Variants in TFAM observed in about 807,000 individuals in gnomAD.
TFAM encodes the protein transcription factor A, mitochondrial.
Under a neutral mutation model 30.6 loss-of-function variants are expected in TFAM, and 13 were observed. The ratio of observed to expected loss-of-function variants is 0.42; its 90% CI spans 0.28 to 0.67. TFAM has a LOEUF of 0.67. TFAM is among the 30% of genes least tolerant of loss of function. The probability of loss-of-function intolerance (pLI) is 0.21; values close to 1 mark genes in which losing one functional copy is unlikely to be tolerated. For missense variants in TFAM, 231 were observed against 293.7 expected (o/e 0.79, Z 1.56); for synonymous variants, 106 against 94.8 (o/e 1.12, Z -0.69).
intron 1 of TFAM, 93 bp from the exon 2 acceptor site, chr10:58,386,127 T>G: frequency 3.5e-5 from 31 of 882,158 alleles, no homozygotes; most frequent in Non-Finnish European, 5.6e-5. Context: ...AGTATCTTGA[T>G]GACATTTCTT....
chr10:58,393,082 C>T (rs181126105), intron 5 of TFAM, among the ~76,000 whole-genome samples: 379 of 152,188 alleles, frequency 2.5e-3, no homozygotes, highest in African/African-American at 8.1e-3. Context: ...CGGGTTCAAG[C>T]GATCCTCCTG....
rs1840737529 is a variant in TFAM at position 58,398,845 on chromosome 10, A to G, written c.*3771A>G. 2 of 152,192 alleles carry G rather than the reference A, an allele frequency of 1.3e-5. No individual in the cohort carries two copies. The highest frequency in any genetic ancestry group is 6.5e-5 in the Admixed American group (1 of 15,274). The allele number at this position is 152,192 out of a possible 1,614,324, so 9.4% of individuals were successfully genotyped here. ...AGCCATTCTCCCTCCTTCTCTTCAT[A>G]ACATCAAGCTGTCACAGACAAATCT... On this transcript the variant is annotated 3_prime_UTR_variant, in exon 7 of 7. Transcript: ENST00000487519.
At chr10:58,393,342 C>T (rs947191162) in intron 5 of TFAM, among the ~76,000 whole-genome samples, 1 of 152,202 alleles carries the variant, frequency 6.6e-6, no homozygotes, top group East Asian at 1.9e-4. Context: ...ACCTGTTTTA[C>T]ACCTGTCTGG....
chr10:58,394,606 T>G, intron 6 of TFAM, 192 bp downstream of exon 6: 1 of 726,162 alleles, frequency 1.4e-6, no homozygotes, highest in Non-Finnish European at 2.5e-6. Flanking sequence ...ATAAAATTGG[T>G]ATTTGAAACC....
At chr10:58,385,686 C>A (rs1400859561) in intron 1 of TFAM, 38 bp downstream of exon 1, 4 of 1,461,210 alleles carry the variant, frequency 2.7e-6, no homozygotes, top group Admixed American at 3.9e-5. Context: ...GCAGCAGGGC[C>A]CAGGACGTCC....
rs576468908 is a variant in TFAM at position 58,395,742 on chromosome 10, A to G, written c.*668A>G. 18 of 300,536 alleles carry G rather than the reference A, an allele frequency of 6.0e-5. No individual in the cohort carries two copies. Among genetic ancestry groups the G allele is most frequent in the Non-Finnish European group, 1.1e-4 (18 of 164,752 alleles). The allele number at this position is 300,536 out of a possible 1,614,324, so 18.6% of individuals were successfully genotyped here. A position where few individuals can be genotyped will look rare whatever the true frequency, so the allele number is the denominator to read the frequency against. On this transcript the variant is annotated 3_prime_UTR_variant, in exon 7 of 7. Transcript: ENST00000487519. ...AATAAAATTTTTAATCTTTAATTTT[A>G]CATTTCCTAAATATATTTTAAGACG...
At chr10:58,390,384 T>G (rs1840569013) in intron 4 of TFAM, among the ~76,000 whole-genome samples, 1 of 152,202 alleles carries the variant, frequency 6.6e-6, no homozygotes, top group Non-Finnish European at 1.5e-5. Flanking sequence ...TAGTCCATTG[T>G]TCTTGGGTTG....
rs763032077 is a variant in TFAM at position 58,394,464 on chromosome 10, G to A, written c.594+50G>A. On this transcript the variant is annotated intron_variant, in intron 6 of 6. Coordinates refer to ENST00000487519, the MANE Select transcript of TFAM (RefSeq NM_003201.3). Reference sequence around the variant, plus strand: ...AAGTGTCTACTTAGGATATCTGTGAGAGAATGTATTAGGGCAAGGCTTGAT... The same window carrying A: ...AAGTGTCTACTTAGGATATCTGTGAAAGAATGTATTAGGGCAAGGCTTGAT... 10 of 1,470,612 alleles carry A rather than the reference G, an allele frequency of 6.8e-6. 1 individual carries two copies. The highest frequency in any genetic ancestry group is 1.7e-4 in the Middle Eastern group (1 of 5,802). 91.1% of individuals were successfully genotyped at this position (1,470,612 alleles called of 1,614,324 possible).
chr10:58,386,897 G>T (rs928798656), intron 2 of TFAM, among the ~76,000 whole-genome samples: 1 of 151,760 alleles, frequency 6.6e-6, no homozygotes, highest in Non-Finnish European at 1.5e-5. Context: ...CTTGTCTTGG[G>T]TTCCTAAAAA....
rs1375537517 is a variant in TFAM, at chr10:58,396,649, A to G, written c.*1575A>G. Reference sequence around the variant, plus strand: ...AGCAAAGGTTTTCACCACCTGTTTGAGCAGAATAATTCTCATCAGTTCACA... The same window carrying G: ...AGCAAAGGTTTTCACCACCTGTTTGGGCAGAATAATTCTCATCAGTTCACA... On this transcript the variant is annotated 3_prime_UTR_variant, in exon 7 of 7. Coordinates refer to ENST00000487519, the MANE Select transcript of TFAM (RefSeq NM_003201.3). The G allele has an allele frequency of 6.6e-6, 1 of 152,228 alleles. No individual in the cohort carries two copies. The highest frequency in any genetic ancestry group is 1.5e-5 in the Non-Finnish European group (1 of 68,042). 9.4% of individuals were successfully genotyped at this position (152,228 alleles called of 1,614,324 possible). A position where few individuals can be genotyped will look rare whatever the true frequency, so the allele number is the denominator to read the frequency against.
In TFAM at chr10:58,397,399, G is replaced by A. The variant is rs903253217; in HGVS notation, c.*2325G>A. ...TATTGGGAAGTTCAGTGTTAAGTAC[G>A]TTTCTCAAGTACTTAACAACTTAAT... On this transcript the variant is annotated 3_prime_UTR_variant, in exon 7 of 7. Transcript: ENST00000487519. The A allele has an allele frequency of 2.0e-5, 3 of 151,990 alleles. No homozygotes were observed. Among genetic ancestry groups the A allele is most frequent in the African/African-American group, 4.8e-5 (2 of 41,378 alleles). 9.4% of individuals were successfully genotyped at this position (151,990 alleles called of 1,614,324 possible).
At chr10:58,387,883 T>C (rs1452872961) in intron 2 of TFAM, among the ~76,000 whole-genome samples, 4 of 151,776 alleles carry the variant, frequency 2.6e-5, no homozygotes, top group South Asian at 4.2e-4. Context: ...TAGGCCAAGA[T>C]TGTACCACCG....
intron 5 of TFAM, among the ~76,000 whole-genome samples, chr10:58,391,458 TTAATC>T (rs957078113): frequency 3.8e-4 from 58 of 152,204 alleles, no homozygotes; most frequent in Non-Finnish European, 1.8e-4. Context: ...GTAACCCATG[TTAATC>T]TAAGATGAAG....
At position 58,398,809 on chromosome 10, in the gene TFAM, T is replaced by A. The variant is rs1840736129; in HGVS notation, c.*3735T>A. ...CTATAAGAATATTCTCTCGCTCTTTTCTCCACTCACAGCCATTCTCCCTCC... is the reference window on the plus strand; with the variant it reads ...CTATAAGAATATTCTCTCGCTCTTTACTCCACTCACAGCCATTCTCCCTCC... On this transcript the variant is annotated 3_prime_UTR_variant, in exon 7 of 7. Transcript: ENST00000487519. The A allele has an allele frequency of 1.3e-5, 2 of 152,168 alleles. No individual in the cohort carries two copies. The highest frequency in any genetic ancestry group is 4.1e-4 in the South Asian group (2 of 4,832). 9.4% of individuals were successfully genotyped at this position (152,168 alleles called of 1,614,324 possible). A position where few individuals can be genotyped will look rare whatever the true frequency, so the allele number is the denominator to read the frequency against.
rs1393839042 is a variant in TFAM, at chr10:58,397,087, A to G, written c.*2013A>G. 1 of 152,156 alleles carries G rather than the reference A, an allele frequency of 6.6e-6. No individual in the cohort carries two copies. Among genetic ancestry groups the G allele is most frequent in the Non-Finnish European group, 1.5e-5 (1 of 68,040 alleles). The allele number at this position is 152,156 out of a possible 1,614,324, so 9.4% of individuals were successfully genotyped here. A position where few individuals can be genotyped will look rare whatever the true frequency, so the allele number is the denominator to read the frequency against. On this transcript the variant is annotated 3_prime_UTR_variant, in exon 7 of 7. Transcript: ENST00000487519. ...GCCCTAAGTCCCTGTGTCATCTAGA[A>G]TGGTACTAATTATGTACAGTCCCTA... is the stretch of plus-strand genomic sequence containing the variant.
chr10:58,388,349 CT>C lies in TFAM; in HGVS notation c.291+94del, dbSNP rs1411793406. 13 of 1,122,918 alleles carry C rather than the reference CT, an allele frequency of 1.2e-5. No homozygotes were observed. In the East Asian group the frequency reaches 2.6e-4, roughly 22 times the overall value. The allele number at this position is 1,122,918 out of a possible 1,614,324, so 69.6% of individuals were successfully genotyped here. ...CCTTTAAAGGACCAGATGGATCAGA[CT>C]TTTTAAAAAATAATCTGTTATCTAC... On this transcript the variant is annotated intron_variant, in intron 3 of 6. Coordinates refer to ENST00000487519, the MANE Select transcript of TFAM (RefSeq NM_003201.3).
At position 58,395,350 on chromosome 10, in the gene TFAM, A is replaced by C. The variant is rs1186796656; in HGVS notation, c.*276A>C. On this transcript the variant is annotated 3_prime_UTR_variant, in exon 7 of 7. Transcript: ENST00000487519. ...ATTTTACCTTTGACAAAGGTAAATC[A>C]GACTATGAAGTTTTTTTTATACAGG... 2.4e-6 allele frequency: 1 copy of C among 413,618 alleles called. No individual in the cohort carries two copies. Among genetic ancestry groups the C allele is most frequent in the African/African-American group, 2.0e-5 (1 of 49,910 alleles). 25.6% of individuals were successfully genotyped at this position (413,618 alleles called of 1,614,324 possible).
Position 58,387,393 on chromosome 10 carries a change from T to C in TFAM, c.221-797T>C, listed in dbSNP as rs568201098. 3.9e-5 allele frequency among the ~76,000 whole-genome samples: 6 copies of C among 152,304 alleles called. No individual in the cohort carries two copies. The East Asian group carries it at 9.6e-4, about 24-fold the overall frequency. On this transcript the variant is annotated intron_variant, in intron 2 of 6. Transcript: ENST00000487519. ...ACAGGTATTTTTAAAAATCAATTAA[T>C]TGCACGCCATCATTCCGGTTAAGAT... is the stretch of plus-strand genomic sequence containing the variant.
At position 58,386,171 on chromosome 10, in the gene TFAM, T is replaced by C. The variant is rs1212840808; in HGVS notation, c.102-49T>C. 5.1e-6 allele frequency: 6 copies of C among 1,175,008 alleles called. No homozygotes were observed. In the South Asian group the frequency reaches 6.1e-5, roughly 12 times the overall value. 72.8% of individuals were successfully genotyped at this position (1,175,008 alleles called of 1,614,324 possible). ...TCTGTGTTCATATACATGTGAATAT[T>C]GACAGTTAAACATCTGACACTGGTT... On this transcript the variant is annotated intron_variant, in intron 1 of 6. Transcript: ENST00000487519.
Sources: allele counts gnomAD v4.1 joint callset (sites outside exome capture counted in the v4.1 genomes callset), GRCh38; gene constraint gnomAD v4.1.1; transcripts MANE v1.5; gene names NCBI Gene and HGNC (gene_info 2026-07-23, HGNC 2026-07-21).